OTOP1: variants seen among roughly 807,000 people sequenced by gnomAD.
The protein encoded by OTOP1 is proton channel OTOP1.
Under a neutral mutation model 52.9 loss-of-function variants are expected in OTOP1, and 59 were observed. The observed-to-expected ratio is 1.12, with a 90% confidence interval of 0.91 to 1.39. The LOEUF (loss-of-function observed/expected upper bound fraction) is 1.39. Among genes scored for constraint, OTOP1 ranks in the 40% most tolerant of loss-of-function variants. The pLI is 0.00. For synonymous variants in OTOP1, 317 were observed against 337.7 expected (o/e 0.94, Z 0.67); for missense variants, 761 against 800.9 (o/e 0.95, Z 0.60).
rs1716692518 is a variant in OTOP1 at position 4,198,063 on chromosome 4, T to C, written c.771A>G (p.Pro257=). ...CGTGGGAGATGGCAGTGCACAGAGT[T>C]GGGGGCGTGCAGTTACACTGCGGTG... The part of the protein sequence containing the change: ...DHTPQCNCTP[P]TLCTAISHGI... Residue 257 remains proline (P), a synonymous_variant, in exon 5 of 6, where the codon CCA becomes CCG. Coordinates refer to ENST00000296358, the MANE Select transcript of OTOP1 (RefSeq NM_177998.3). The C allele has an allele frequency of 6.2e-7, 1 of 1,614,014 alleles. No individual in the cohort carries two copies. Among genetic ancestry groups the C allele is most frequent in the African/African-American group, 1.3e-5 (1 of 74,998 alleles).
At chr4:4,216,332 A>G (rs146165249) in intron 1 of OTOP1, among the ~76,000 whole-genome samples, 30 of 152,346 alleles carry the variant, frequency 2.0e-4, no homozygotes, top group African/African-American at 6.7e-4. Context: ...ATTAGTGAGA[A>G]AAAGGCAGTG....
chr4:4,207,549 C>T (rs1448616257), intron 2 of OTOP1, among the ~76,000 whole-genome samples: 17 of 145,260 alleles, frequency 1.2e-4, no homozygotes, highest in Non-Finnish European at 2.4e-4. Context: ...ATGCTTTTTG[C>T]TTTTTTTTTT....
intron 4 of OTOP1, among the ~76,000 whole-genome samples, chr4:4,200,456 A>T (rs1182411741): frequency 1.4e-5 from 2 of 143,840 alleles, no homozygotes; most frequent in African/African-American, 5.3e-5. Context: ...AGCCTGGGCG[A>T]CGAGCGAGAC....
intron 5 of OTOP1, among the ~76,000 whole-genome samples, chr4:4,192,049 C>A (rs889353978): frequency 6.6e-6 from 1 of 152,188 alleles, no homozygotes; most frequent in Non-Finnish European, 1.5e-5. Context: ...GAGAAGTGGC[C>A]TATGAACTCT....
At chr4:4,202,888 C>A (rs1348177594) in intron 3 of OTOP1, among the ~76,000 whole-genome samples, 1 of 152,188 alleles carries the variant, frequency 6.6e-6, no homozygotes, top group African/African-American at 2.4e-5. Context: ...TTACTAAAAG[C>A]AGACAACCCA....
intron 4 of OTOP1, among the ~76,000 whole-genome samples, chr4:4,199,233 T>TGA (rs71600542): frequency 0.052 from 5,127 of 98,498 alleles, 520 homozygotes; most frequent in Admixed American, 0.066. Flanking sequence ...TGTGTGTGTG[T>TGA]GAGAGAGAGA....
chr4:4,219,500 G>T (rs1314660187), intron 1 of OTOP1, among the ~76,000 whole-genome samples: 1 of 151,884 alleles, frequency 6.6e-6, no homozygotes, highest in African/African-American at 2.4e-5. Flanking sequence ...GGGAGATCGA[G>T]ACCATCCTGG....
At chr4:4,200,940 G>T (rs1380494431) in intron 4 of OTOP1, among the ~76,000 whole-genome samples, 3 of 152,110 alleles carry the variant, frequency 2.0e-5, no homozygotes, top group Non-Finnish European at 4.4e-5. Flanking sequence ...GAAAGCAGGA[G>T]GAAAAGTTCA....
intron 1 of OTOP1, among the ~76,000 whole-genome samples, chr4:4,221,939 T>C (rs1717310728): frequency 6.6e-6 from 1 of 152,154 alleles, no homozygotes; most frequent in Non-Finnish European, 1.5e-5. Context: ...AGAATGCTTT[T>C]CTTTATATTG....
chr4:4,199,720 GT>G (rs1303105179), intron 4 of OTOP1, among the ~76,000 whole-genome samples: 31 of 152,140 alleles, frequency 2.0e-4, no homozygotes, highest in African/African-American at 7.2e-4. Flanking sequence ...GCCAGGATGT[GT>G]TTTAATATTA....
In OTOP1 at chr4:4,212,994, T is replaced by C; in HGVS notation, c.414A>G (p.Thr138=). The change falls in exon 2 of 6, where the codon ACA becomes ACG. Residue 138 remains threonine, a synonymous_variant. Coordinates refer to ENST00000296358, the MANE Select transcript of OTOP1 (RefSeq NM_177998.3). ...GGATGACGGTAATGACTGCAAACAA[T>C]GTGATACTACCTAAATGTGGGATGA... ...AGAGWLRGSI[T]LFAVITVILG... 7 of 1,613,988 alleles carry C rather than the reference T, an allele frequency of 4.3e-6. No individual in the cohort carries two copies. Among genetic ancestry groups the C allele is most frequent in the Non-Finnish European group, 5.9e-6 (7 of 1,179,860 alleles).
intron 1 of OTOP1, among the ~76,000 whole-genome samples, chr4:4,225,407 A>C (rs757680810): frequency 1.3e-5 from 2 of 152,110 alleles, no homozygotes; most frequent in Non-Finnish European, 2.9e-5. Flanking sequence ...ATCTGTACAA[A>C]ATATAACAAA....
intron 4 of OTOP1, among the ~76,000 whole-genome samples, chr4:4,199,050 G>C (rs1051778928): frequency 1.3e-5 from 2 of 152,046 alleles, no homozygotes; most frequent in African/African-American, 4.8e-5. Context: ...AATTAGCCAG[G>C]TGTGGTGGCA....
rs554408396 is a variant in OTOP1, at chr4:4,188,945, C to T, written c.1697G>A (p.Arg566Gln). The change falls in exon 6 of 6, where the codon CGA becomes CAA. Residue 566 changes from arginine to glutamine, a missense_variant. Physicochemically the swap from Arg to Gln is conservative, Grantham distance 43. Transcript: ENST00000296358. ...CTCCAATCCATTGTCATACTCAGGT[C>T]GACAGCCAAAGGCGGGAGGTATCCA... ...SLWIPPAFGC[R>Q]PEYDNGLEEI... is the part of the protein sequence containing the mutation. The T allele has an allele frequency of 1.2e-5, 20 of 1,613,236 alleles. No homozygotes were observed. The highest frequency in any genetic ancestry group is 5.3e-5 in the African/African-American group (4 of 75,010).
chr4:4,199,586 C>A (rs62286875), intron 4 of OTOP1, among the ~76,000 whole-genome samples: 23,322 of 151,982 alleles, frequency 0.15, 2,338 homozygotes, highest in Non-Finnish European at 0.23. Flanking sequence ...CTAATTTTTA[C>A]ATTTTTTGTA....
intron 2 of OTOP1, among the ~76,000 whole-genome samples, chr4:4,207,630 G>A (rs2916423): frequency 0.67 from 102,168 of 151,566 alleles, 34,932 homozygotes; most frequent in African/African-American, 0.76. Context: ...AGAAGTGAAA[G>A]CAAGTTCTCA....
intron 4 of OTOP1, among the ~76,000 whole-genome samples, chr4:4,198,362 T>C (rs983608818): frequency 6.6e-6 from 1 of 152,094 alleles, no homozygotes; most frequent in Non-Finnish European, 1.5e-5. Flanking sequence ...GACTCTATTG[T>C]TGTAAAAAAT....
intron 5 of OTOP1, among the ~76,000 whole-genome samples, chr4:4,192,714 C>T (rs1205196562): frequency 6.6e-6 from 1 of 152,170 alleles, no homozygotes; most frequent in Admixed American, 6.5e-5. Context: ...AGGGGTCACA[C>T]TTGGCACCTG....
At chr4:4,205,405 C>G (rs1716879953) in intron 3 of OTOP1, among the ~76,000 whole-genome samples, 1 of 152,314 alleles carries the variant, frequency 6.6e-6, no homozygotes, top group Non-Finnish European at 1.5e-5. Flanking sequence ...TTCACAAAAA[C>G]AAAAGATCTT....
Sources: allele counts gnomAD v4.1 joint callset (sites outside exome capture counted in the v4.1 genomes callset), GRCh38; gene constraint gnomAD v4.1.1; transcripts MANE v1.5; gene names NCBI Gene and HGNC (gene_info 2026-07-23, HGNC 2026-07-21).